Variants in PROM1 observed in about 807,000 individuals in gnomAD.
PROM1 encodes the protein prominin-1.
Under a neutral mutation model 116.9 loss-of-function variants are expected in PROM1, and 105 were observed. The observed-to-expected ratio is 0.90, with a 90% CI of 0.77 to 1.06. The LOEUF (loss-of-function observed/expected upper bound fraction) is 1.06. Ranked by LOEUF, PROM1 falls within the 50% of genes least tolerant of loss-of-function variation. The probability of loss-of-function intolerance (pLI) is 0.00; values close to 1 mark genes in which losing one functional copy is unlikely to be tolerated. For missense variants in PROM1, 1,122 were observed against 1,045.2 expected (o/e 1.07, Z -1.01); for synonymous variants, 393 against 387.0 (o/e 1.02, Z -0.18).
intron 2 of PROM1, among the ~76,000 whole-genome samples, chr4:16,039,478 C>A (rs1734681450): frequency 6.6e-6 from 1 of 152,198 alleles, no homozygotes; most frequent in Admixed American, 6.5e-5. Flanking sequence ...TGGCTCACAC[C>A]CGTAATCCCA....
chr4:15,987,295 A>G (rs1447664816), intron 20 of PROM1, among the ~76,000 whole-genome samples: 2 of 152,232 alleles, frequency 1.3e-5, no homozygotes, highest in Non-Finnish European at 2.9e-5. Context: ...GAAGATGTGT[A>G]GAGAAGCCTG....
intron 3 of PROM1, chr4:16,037,927 C>A (rs937701440): frequency 1.3e-5 from 2 of 152,210 alleles, no homozygotes; most frequent in African/African-American, 4.8e-5. Context: ...ACTATGGATT[C>A]ACTCAAGAGA....
chr4:16,053,107 A>G (rs1295982559), intron 2 of PROM1, among the ~76,000 whole-genome samples: 1 of 152,234 alleles, frequency 6.6e-6, no homozygotes, highest in Non-Finnish European at 1.5e-5. Context: ...TGCATGTCAT[A>G]TTTGCATGTG....
intron 26 of PROM1, among the ~76,000 whole-genome samples, chr4:15,976,430 G>A (rs933321424): frequency 1.1e-4 from 17 of 152,170 alleles, no homozygotes; most frequent in Non-Finnish European, 1.8e-4. Flanking sequence ...AGTCTTTGAC[G>A]CTACACGCAG....
At chr4:16,012,119 C>T (rs930139943) in intron 11 of PROM1, among the ~76,000 whole-genome samples, 1 of 152,162 alleles carries the variant, frequency 6.6e-6, no homozygotes, top group Non-Finnish European at 1.5e-5. Context: ...GCCTCAGCCT[C>T]CCGAGTAGCT....
intron 8 of PROM1, among the ~76,000 whole-genome samples, chr4:16,019,856 C>T (rs1729366254): frequency 7.7e-6 from 1 of 130,070 alleles, no homozygotes; most frequent in Admixed American, 8.5e-5. Context: ...ACAGAAAATA[C>T]TTGAGTGTTA....
intron 2 of PROM1, among the ~76,000 whole-genome samples, chr4:16,050,263 A>C (rs1737563985): frequency 6.6e-6 from 1 of 151,822 alleles, no homozygotes; most frequent in Non-Finnish European, 1.5e-5. Context: ...TGTCTCAAAA[A>C]AAAAAAAACC....
chr4:15,996,293 T>A (rs546977111), intron 15 of PROM1, among the ~76,000 whole-genome samples: 1 of 152,184 alleles, frequency 6.6e-6, no homozygotes, highest in Admixed American at 6.5e-5. Flanking sequence ...GTGGATCACC[T>A]GAGGTCAAGA....
At chr4:15,981,907 C>A (rs919557679) in intron 23 of PROM1, among the ~76,000 whole-genome samples, 1 of 152,192 alleles carries the variant, frequency 6.6e-6, no homozygotes, top group Admixed American at 6.5e-5. Context: ...TAACATTGAA[C>A]CCTTATTCCC....
rs1173667923 is a variant in PROM1, at chr4:16,075,825, C to A, written c.82G>T (p.Ala28Ser). Residue 28 changes from alanine (A) to serine (S), a missense_variant, in exon 2 of 28, where the codon GCT (alanine) becomes TCT (serine). By Grantham distance (99) the Ala-to-Ser change is moderately conservative (BLOSUM62 1). Transcript: ENST00000447510. ...FSGGQPSSTD[A>S]PKAWNYELPA... ...AATTCATAATTCCAAGCCTTAGGAG[C>A]ATCTGTGGATGAAGGCTGCCCTCCT... is the stretch of plus-strand genomic sequence containing the variant. 1 of 1,613,748 alleles carries A rather than the reference C, an allele frequency of 6.2e-7. No homozygotes were observed. Among genetic ancestry groups the A allele is most frequent in the East Asian group, 2.2e-5 (1 of 44,862 alleles).
chr4:15,994,089 G>C lies in PROM1; in HGVS notation c.1683-18C>G. ...TGCAGTCACTGTGGGAATGAACAGA[G>C]AAATTAGGACCTAGAAAAGCTGTTG... On this transcript the variant is annotated intron_variant, in intron 15 of 27. Transcript: ENST00000447510. 8.1e-6 allele frequency: 13 copies of C among 1,613,606 alleles called. No individual in the cohort carries two copies. Among genetic ancestry groups the C allele is most frequent in the Non-Finnish European group, 1.1e-5 (13 of 1,179,760 alleles).
intron 12 of PROM1, 73 bp downstream of exon 12, chr4:16,008,876 C>T: frequency 1.4e-6 from 2 of 1,383,428 alleles, no homozygotes; most frequent in Non-Finnish European, 2.0e-6. Flanking sequence ...TATCCTGGTG[C>T]TAATGTCAGA....
At chr4:16,048,903 C>T (rs1037561138) in intron 2 of PROM1, among the ~76,000 whole-genome samples, 2 of 152,180 alleles carry the variant, frequency 1.3e-5, no homozygotes, top group Non-Finnish European at 2.9e-5. Context: ...GGAAGATTAT[C>T]ATTTCCAGTT....
intron 26 of PROM1, among the ~76,000 whole-genome samples, chr4:15,972,316 G>GT (rs1346868364): frequency 6.6e-6 from 1 of 152,196 alleles, no homozygotes; most frequent in Non-Finnish European, 1.5e-5. Context: ...AAAAAAATAT[G>GT]TTTTTCACAG....
intron 26 of PROM1, among the ~76,000 whole-genome samples, chr4:15,972,196 C>A (rs1327812708): frequency 2.0e-5 from 3 of 152,208 alleles, no homozygotes; most frequent in African/African-American, 4.8e-5. Context: ...AGAGAGGGAA[C>A]TCTGGAGACC....
chr4:16,018,671 G>GCAGT (rs1729046343), intron 8 of PROM1, 131 bp from the exon 9 acceptor site: 2 of 754,858 alleles, frequency 2.6e-6, no homozygotes, highest in African/African-American at 3.4e-5. Flanking sequence ...ACTGCAAGGG[G>GCAGT]CAGTCTGAGA....
At chr4:16,028,010 T>C (rs1246457498) in intron 5 of PROM1, among the ~76,000 whole-genome samples, 2 of 152,208 alleles carry the variant, frequency 1.3e-5, no homozygotes. Flanking sequence ...AAAGCATTGA[T>C]AATTTTTTAA....
chr4:16,034,132 T>C (rs1733449189), intron 4 of PROM1, among the ~76,000 whole-genome samples: 1 of 152,184 alleles, frequency 6.6e-6, no homozygotes, highest in South Asian at 2.1e-4. Flanking sequence ...GCAGGAGTAC[T>C]TGCATAACAA....
At chr4:16,038,652 C>T (rs1578160508) in intron 3 of PROM1, among the ~76,000 whole-genome samples, 1 of 152,328 alleles carries the variant, frequency 6.6e-6, no homozygotes, top group African/African-American at 2.4e-5. Context: ...CTGCCCGCCT[C>T]AGCCTACCAA....
Sources: gnomAD v4.1 joint callset for allele counts (sites outside exome capture counted in the v4.1 genomes callset) on GRCh38, gnomAD v4.1.1 for gene constraint, MANE v1.5 for transcripts, NCBI Gene and HGNC (gene_info 2026-07-23, HGNC 2026-07-21) for gene names.